The following MAML3 variants were observed in gnomAD, a reference collection of about 807,000 sequenced individuals.
MAML3 encodes mastermind-like protein 3.
MAML3 carries 27 observed loss-of-function variants against 101.9 expected under a neutral mutation model. The ratio of observed to expected loss-of-function variants is 0.27; its 90% confidence interval spans 0.20 to 0.37. The LOEUF (loss-of-function observed/expected upper bound fraction) is 0.37. Ranked by LOEUF, MAML3 falls within the 10% of genes least tolerant of loss-of-function variation. MAML3 has a pLI of 1.00. For missense variants in MAML3, 1,316 were observed against 1,444.9 expected, an observed-to-expected ratio of 0.91 and a Z score of 1.45; for synonymous variants, 501 against 555.9, an observed-to-expected ratio of 0.90 and a Z score of 1.39.
intron 1 of MAML3, among the ~76,000 whole-genome samples, chr4:140,142,718 C>T (rs1258270231): frequency 6.6e-6 from 1 of 152,202 alleles, no homozygotes; most frequent in African/African-American, 2.4e-5. Flanking sequence ...GAAAGCAATC[C>T]TGTCACCCCC....
At chr4:140,069,276 T>G (rs1332116358) in intron 1 of MAML3, among the ~76,000 whole-genome samples, 1 of 151,640 alleles carries the variant, frequency 6.6e-6, no homozygotes, top group Non-Finnish European at 1.5e-5. Flanking sequence ...TAGTCAAGAT[T>G]GCGCCACTGC....
rs144686846 is a variant in MAML3, at chr4:140,084,645, C to T, written c.468+68215G>A. Among the ~76,000 whole-genome samples the T allele has an allele frequency of 3.3e-3, 501 of 152,240 alleles. 20 individuals carry two copies. The East Asian group carries it at 0.088, about 27-fold the overall frequency. ...CTTTTCACCTCGTTACTATGAAGCA[C>T]GACCTAACGCCAGCATTTATTTCCT... On this transcript the variant is annotated intron_variant, in intron 1 of 4. Transcript: ENST00000509479.
intron 1 of MAML3, among the ~76,000 whole-genome samples, chr4:139,916,400 C>T (rs956801017): frequency 6.6e-6 from 1 of 152,232 alleles, no homozygotes; most frequent in African/African-American, 2.4e-5. Flanking sequence ...ACATTGGCCA[C>T]TAACCCAATG....
intron 1 of MAML3, among the ~76,000 whole-genome samples, chr4:140,016,226 CA>C (rs1726639829): frequency 6.6e-6 from 1 of 151,926 alleles, no homozygotes. Context: ...ATAACTCTAA[CA>C]AAACAAATAC....
chr4:139,948,642 A>C (rs1733779094), intron 1 of MAML3, among the ~76,000 whole-genome samples: 1 of 152,256 alleles, frequency 6.6e-6, no homozygotes. Context: ...ATTATAGCAA[A>C]GCTCCAAAGT....
At chr4:139,989,850 AACACACAC>A (rs71593737) in intron 1 of MAML3, among the ~76,000 whole-genome samples, 11 of 122,872 alleles carry the variant, frequency 9.0e-5, no homozygotes, top group African/African-American at 2.8e-4. Flanking sequence ...CACACAAACA[AACACACAC>A]ACACACACAC....
At chr4:140,076,462 G>A (rs1397832846) in intron 1 of MAML3, among the ~76,000 whole-genome samples, 11 of 152,110 alleles carry the variant, frequency 7.2e-5, no homozygotes, top group African/African-American at 2.4e-4. Context: ...AGACTTTTGT[G>A]GTTGAAATGA....
intron 1 of MAML3, among the ~76,000 whole-genome samples, chr4:139,964,893 A>G (rs1300140508): frequency 6.6e-6 from 1 of 152,168 alleles, no homozygotes; most frequent in Non-Finnish European, 1.5e-5. Context: ...AAGTCTTGGT[A>G]TGTACCTTTG....
At chr4:139,887,596 C>G (rs1355068337) in intron 2 of MAML3, among the ~76,000 whole-genome samples, 1 of 152,208 alleles carries the variant, frequency 6.6e-6, no homozygotes, top group Non-Finnish European at 1.5e-5. Context: ...CAAGTTGGCA[C>G]ATTTTGAAAG....
At chr4:139,996,620 T>C (rs1168608939) in intron 1 of MAML3, among the ~76,000 whole-genome samples, 2 of 152,142 alleles carry the variant, frequency 1.3e-5, no homozygotes, top group Admixed American at 6.6e-5. Flanking sequence ...TTTTTTACTT[T>C]TTTACTTTTA....
In MAML3 at chr4:140,111,053, A is replaced by G. The variant is rs866997736; in HGVS notation, c.468+41807T>C. 2.0e-5 allele frequency among the ~76,000 whole-genome samples: 3 copies of G among 152,366 alleles called. 1 individual carries two copies. The South Asian group carries it at 6.2e-4, about 32-fold the overall frequency. ...TTTATGGCTAAATCCTAAAAACCAC[A>G]GCCATAAAACATTTAACCAGCTGTC... On this transcript the variant is annotated intron_variant, in intron 1 of 4. Coordinates refer to ENST00000509479, the MANE Select transcript of MAML3 (RefSeq NM_018717.5).
chr4:139,730,693 G>T, intron 2 of MAML3, 26 bp from the exon 3 acceptor site: 1 of 1,593,736 alleles, frequency 6.3e-7, no homozygotes. Flanking sequence ...AGAGGGAGAT[G>T]CAGGGATTCC....
At chr4:139,897,632 T>G (rs1279895702) in intron 1 of MAML3, among the ~76,000 whole-genome samples, 6 of 152,244 alleles carry the variant, frequency 3.9e-5, no homozygotes, top group Non-Finnish European at 1.5e-5. Context: ...CATGAATTTC[T>G]GTAGCAGCTC....
At position 140,044,271 on chromosome 4, in the gene MAML3, T is replaced by C. The variant is rs1467659606; in HGVS notation, c.468+108589A>G. ...GTTAAGGAAAGGAGAGAGGGAGGGC[T>C]TAAAGGGTGGAGTGGAAAGGAATTG... is the stretch of plus-strand genomic sequence containing the variant. On this transcript the variant is annotated intron_variant, in intron 1 of 4. Coordinates refer to ENST00000509479, the MANE Select transcript of MAML3 (RefSeq NM_018717.5). 2.0e-5 allele frequency among the ~76,000 whole-genome samples: 3 copies of C among 152,150 alleles called. No individual in the cohort carries two copies. The East Asian group carries it at 5.8e-4, about 29-fold the overall frequency.
rs1390818775 is a variant in MAML3 at position 139,716,825 on chromosome 4, C to CAT, written c.*2496_*2497dup. 6.6e-6 allele frequency: 1 copy of CAT among 152,552 alleles called. No homozygotes were observed. The highest frequency in any genetic ancestry group is 2.4e-5 in the African/African-American group (1 of 41,434). 9.4% of individuals were successfully genotyped at this position (152,552 alleles called of 1,614,324 possible). A position where few individuals can be genotyped will look rare whatever the true frequency, so the allele number is the denominator to read the frequency against. ...GTATGTCAACATCACTTCATTTCTA[C>CAT]ATTTCAGCGTTCTGTACATTTCTTA... On this transcript the variant is annotated 3_prime_UTR_variant, in exon 5 of 5. Coordinates refer to ENST00000509479, the MANE Select transcript of MAML3 (RefSeq NM_018717.5).
intron 2 of MAML3, among the ~76,000 whole-genome samples, chr4:139,886,067 T>C (rs1319096355): frequency 6.6e-6 from 1 of 151,856 alleles, no homozygotes; most frequent in Non-Finnish European, 1.5e-5. Flanking sequence ...AAAATGTTAT[T>C]GCTACTTTCA....
intron 1 of MAML3, among the ~76,000 whole-genome samples, chr4:139,971,079 T>G (rs17313646): frequency 0.35 from 52,622 of 152,114 alleles, 9,836 homozygotes; most frequent in East Asian, 0.62. Context: ...TAGTTTCACA[T>G]TCTTTTCATA....
intron 1 of MAML3, among the ~76,000 whole-genome samples, chr4:140,014,255 C>T (rs1177682636): frequency 6.6e-6 from 1 of 152,074 alleles, no homozygotes; most frequent in East Asian, 1.9e-4. Context: ...AAATATCCAA[C>T]CAACCAGAGA....
chr4:139,801,573 A>C (rs1730603777), intron 2 of MAML3, among the ~76,000 whole-genome samples: 1 of 152,088 alleles, frequency 6.6e-6, no homozygotes, highest in Non-Finnish European at 1.5e-5. Flanking sequence ...AAAACTGAGA[A>C]AAGATTTCAG....
Sources: gnomAD v4.1 joint callset for allele counts (sites outside exome capture counted in the v4.1 genomes callset) on GRCh38, gnomAD v4.1.1 for gene constraint, MANE v1.5 for transcripts, NCBI Gene and HGNC (gene_info 2026-07-23, HGNC 2026-07-21) for gene names.